The following FAM107B variants were observed in gnomAD, a reference collection of about 807,000 sequenced individuals.
FAM107B encodes family with sequence similarity 107 member B.
Under a neutral mutation model 31.5 loss-of-function variants are expected in FAM107B, and 21 were observed. That is an observed-to-expected ratio of 0.67 (90% CI 0.47 to 0.96). The LOEUF is 0.96. Among genes scored for constraint, FAM107B ranks in the 40% least tolerant of loss-of-function variants. The pLI is 0.00. For synonymous variants in FAM107B, 157 were observed against 141.5 expected (o/e 1.11, Z -0.78); for missense variants, 452 against 377.1 (o/e 1.20, Z -1.64).
At chr10:14,696,677 C>T (rs185267229) in intron 1 of FAM107B, among the ~76,000 whole-genome samples, 58 of 152,270 alleles carry the variant, frequency 3.8e-4, no homozygotes, top group African/African-American at 1.4e-3. Flanking sequence ...TCAGTGTTTG[C>T]AGTGTGTTTA....
chr10:14,730,648 A>T (rs1032293328), intron 1 of FAM107B, among the ~76,000 whole-genome samples: 2 of 152,170 alleles, frequency 1.3e-5, no homozygotes, highest in African/African-American at 4.8e-5. Context: ...GTTTACAAAA[A>T]TTTTTCTGGC....
At position 14,530,376 on chromosome 10, in the gene FAM107B, C is replaced by T. The variant is rs768362675; in HGVS notation, c.609G>A (p.Arg203=). The change falls in exon 3 of 5, where the codon CGG becomes CGA. Residue 203 remains arginine, a synonymous_variant. Transcript: ENST00000181796. The part of the protein sequence containing the change: ...QKLINPVKTS[R]NHQDLHRELL... ...GTTCTCTGTGAAGATCTTGATGGTT[C>T]CGGGAGGTTTTTACAGGATTGATCA... 1 of 1,612,468 alleles carries T rather than the reference C, an allele frequency of 6.2e-7. No homozygotes were observed. The highest frequency in any genetic ancestry group is 1.3e-5 in the African/African-American group (1 of 74,484).
At chr10:14,624,503 G>C (rs1421549638) in intron 2 of FAM107B, among the ~76,000 whole-genome samples, 1 of 152,118 alleles carries the variant, frequency 6.6e-6, no homozygotes. Flanking sequence ...AGGTGTGGTG[G>C]TGTGCGCCTG....
chr10:14,693,079 G>T (rs1176716279), intron 1 of FAM107B, among the ~76,000 whole-genome samples: 1 of 152,218 alleles, frequency 6.6e-6, no homozygotes, highest in Non-Finnish European at 1.5e-5. Flanking sequence ...ACATCGCAGA[G>T]AGCTGATGAC....
At chr10:14,619,686 C>T (rs1407936683) in intron 2 of FAM107B, among the ~76,000 whole-genome samples, 5 of 102,662 alleles carry the variant, frequency 4.9e-5, no homozygotes, top group Admixed American at 1.3e-4. Flanking sequence ...CCTTCTTTTA[C>T]GATTTGTGTT....
At chr10:14,665,199 C>T (rs977380019) in intron 2 of FAM107B, among the ~76,000 whole-genome samples, 12 of 152,210 alleles carry the variant, frequency 7.9e-5, no homozygotes, top group Non-Finnish European at 1.5e-4. Flanking sequence ...TGTCTACCTA[C>T]ACTTCATTTG....
chr10:14,771,843 A>C (rs2601732), intron 1 of FAM107B, among the ~76,000 whole-genome samples: 28,815 of 151,994 alleles, frequency 0.19, 8,028 homozygotes, highest in African/African-American at 0.62. Flanking sequence ...AATGTGATTG[A>C]GTATCAAGCG....
At chr10:14,558,177 C>A (rs1469781833) in intron 2 of FAM107B, among the ~76,000 whole-genome samples, 5 of 141,128 alleles carry the variant, frequency 3.5e-5, no homozygotes, top group Non-Finnish European at 1.6e-5. Flanking sequence ...GCCTCCCCAC[C>A]AGTGTGTGTG....
intron 2 of FAM107B, among the ~76,000 whole-genome samples, chr10:14,601,323 C>A (rs1000656742): frequency 2.0e-5 from 3 of 152,128 alleles, no homozygotes; most frequent in African/African-American, 7.2e-5. Flanking sequence ...TAAGACTGTC[C>A]ATTCCTCTTC....
intron 1 of FAM107B, among the ~76,000 whole-genome samples, chr10:14,697,046 AG>A (rs1362847043): frequency 6.6e-6 from 1 of 152,106 alleles, no homozygotes; most frequent in African/African-American, 2.4e-5. Context: ...CTAGAGAGAG[AG>A]AAAAAAAATG....
At chr10:14,606,842 A>T (rs1852605072) in intron 2 of FAM107B, among the ~76,000 whole-genome samples, 1 of 152,242 alleles carries the variant, frequency 6.6e-6, no homozygotes, top group Admixed American at 6.5e-5. Context: ...CCCTACTGCC[A>T]TCTTGATCTT....
intron 1 of FAM107B, among the ~76,000 whole-genome samples, chr10:14,737,946 A>AT (rs1439407419): frequency 6.6e-6 from 1 of 152,114 alleles, no homozygotes; most frequent in African/African-American, 2.4e-5. Flanking sequence ...GTATTCATGG[A>AT]TAAAAACTCG....
chr10:14,557,531 T>C (rs1432589964), intron 2 of FAM107B, among the ~76,000 whole-genome samples: 3 of 152,132 alleles, frequency 2.0e-5, no homozygotes, highest in South Asian at 2.1e-4. Flanking sequence ...CTGTAATGTC[T>C]TGATTAAAAT....
chr10:14,692,466 G>C (rs1187333307), intron 1 of FAM107B, among the ~76,000 whole-genome samples: 1 of 152,094 alleles, frequency 6.6e-6, no homozygotes, highest in African/African-American at 2.4e-5. Context: ...ACACAGGAGG[G>C]TTTTTATCAG....
At chr10:14,537,343 A>G (rs1847724242) in intron 2 of FAM107B, among the ~76,000 whole-genome samples, 1 of 152,216 alleles carries the variant, frequency 6.6e-6, no homozygotes, top group South Asian at 2.1e-4. Flanking sequence ...CATACGGCCC[A>G]TGAGGCAGGG....
Position 14,531,004 on chromosome 10 carries a change from T to C in FAM107B, c.470-489A>G, listed in dbSNP as rs144429055. On this transcript the variant is annotated intron_variant, in intron 2 of 4. Coordinates refer to ENST00000181796, the MANE Select transcript of FAM107B (RefSeq NM_031453.4). ...TTGTTAAATATTTCACTGATGGTTATTGGTCATAAATCTGTTTACCAGATA... is the reference window on the plus strand; with the variant it reads ...TTGTTAAATATTTCACTGATGGTTACTGGTCATAAATCTGTTTACCAGATA... 2.8e-4 allele frequency among the ~76,000 whole-genome samples: 43 copies of C among 152,314 alleles called. 1 individual carries two copies. The East Asian group carries it at 3.1e-3, about 11-fold the overall frequency.
intron 2 of FAM107B, among the ~76,000 whole-genome samples, chr10:14,627,993 G>A (rs1321910372): frequency 6.6e-6 from 1 of 151,952 alleles, no homozygotes; most frequent in Non-Finnish European, 1.5e-5. Context: ...TCCATGGTTG[G>A]TATAAGCCAC....
At chr10:14,591,103 G>T (rs983235971) in intron 2 of FAM107B, among the ~76,000 whole-genome samples, 1 of 151,238 alleles carries the variant, frequency 6.6e-6, no homozygotes. Context: ...ATCAATGACT[G>T]ATCTTTTATA....
At chr10:14,547,791 G>T (rs1848837221) in intron 2 of FAM107B, among the ~76,000 whole-genome samples, 1 of 152,198 alleles carries the variant, frequency 6.6e-6, no homozygotes, top group Non-Finnish European at 1.5e-5. Context: ...ACAATGATGT[G>T]TTTTTTCTGT....
Sources: gnomAD v4.1 joint callset for allele counts (sites outside exome capture counted in the v4.1 genomes callset) on GRCh38, gnomAD v4.1.1 for gene constraint, MANE v1.5 for transcripts, NCBI Gene and HGNC (gene_info 2026-07-23, HGNC 2026-07-21) for gene names.